Variants in STPG2 observed in about 807,000 individuals in gnomAD.
STPG2 encodes the protein sperm tail PG-rich repeat containing 2, also known as sperm-tail PG-rich repeat-containing protein 2.
In STPG2, 56 loss-of-function variants were observed where a neutral mutation model predicts 54.2. The ratio of observed to expected loss-of-function variants is 1.03; its 90% CI spans 0.83 to 1.29. The LOEUF (loss-of-function observed/expected upper bound fraction) is 1.29, where lower values mean the gene tolerates loss of function less well. Among genes scored for constraint, STPG2 ranks in the 50% most tolerant of loss-of-function variants. The pLI is 0.00. For missense variants in STPG2, 596 were observed against 544.9 expected (o/e 1.09, Z -0.93); for synonymous variants, 200 against 181.8 (o/e 1.10, Z -0.81).
intron 1 of STPG2, among the ~76,000 whole-genome samples, chr4:98,140,166 T>C (rs934015800): frequency 6.6e-6 from 1 of 152,126 alleles, no homozygotes; most frequent in African/African-American, 2.4e-5. Context: ...ACTGGACAAA[T>C]GTATCAGCAG....
intron 4 of STPG2, among the ~76,000 whole-genome samples, chr4:97,493,972 A>C (rs761149036): frequency 6.6e-5 from 10 of 151,530 alleles, no homozygotes; most frequent in Non-Finnish European, 1.5e-4. Context: ...GGTGCCCTAC[A>C]TTTTAGCTAG....
intron 9 of STPG2, among the ~76,000 whole-genome samples, chr4:97,816,045 A>ATG (rs1249843422): frequency 9.9e-5 from 15 of 152,004 alleles, no homozygotes; most frequent in African/African-American, 3.4e-4. Context: ...CCCATCCCCC[A>ATG]ACAGGCCTCA....
intron 5 of STPG2, among the ~76,000 whole-genome samples, chr4:98,093,086 C>T (rs62321598): frequency 0.39 from 59,942 of 151,800 alleles, 12,027 homozygotes; most frequent in Middle Eastern, 0.46. Context: ...ACAAAGCTAA[C>T]ACAGCAACTT....
intron 4 of STPG2, among the ~76,000 whole-genome samples, chr4:97,545,494 A>AC (rs1180877077): frequency 1.3e-5 from 2 of 152,052 alleles, no homozygotes; most frequent in Non-Finnish European, 2.9e-5. Context: ...AGGTCCCTCA[A>AC]CCCCCCTGGT....
At chr4:97,927,627 TA>T (rs1376130011) in intron 8 of STPG2, among the ~76,000 whole-genome samples, 6 of 152,252 alleles carry the variant, frequency 3.9e-5, no homozygotes, top group Non-Finnish European at 5.9e-5. Context: ...AAAAAGTTTA[TA>T]ATACTATCAT....
At chr4:97,456,394 C>T (rs1279876796) in intron 4 of STPG2, among the ~76,000 whole-genome samples, 1 of 152,034 alleles carries the variant, frequency 6.6e-6, no homozygotes, top group African/African-American at 2.4e-5. Flanking sequence ...TGGGAGAATT[C>T]ACTCACTATC....
intron 5 of STPG2, among the ~76,000 whole-genome samples, chr4:98,085,177 G>A (rs1405305709): frequency 6.6e-6 from 1 of 151,950 alleles, no homozygotes; most frequent in Non-Finnish European, 1.5e-5. Flanking sequence ...AGTTGTTCTG[G>A]CACTATTTGT....
chr4:97,947,815 G>T (rs571823784), intron 7 of STPG2, among the ~76,000 whole-genome samples: 1 of 151,964 alleles, frequency 6.6e-6, no homozygotes, highest in Non-Finnish European at 1.5e-5. Context: ...CTAGTATTTT[G>T]TTGAGAGTTT....
intron 10 of STPG2, among the ~76,000 whole-genome samples, chr4:97,706,732 T>C (rs1723955562): frequency 6.6e-6 from 1 of 152,120 alleles, no homozygotes; most frequent in African/African-American, 2.4e-5. Flanking sequence ...ACACAGGATC[T>C]ACCACAGGAT....
chr4:97,626,310 T>C (rs1264192200), intron 10 of STPG2, among the ~76,000 whole-genome samples: 1 of 152,198 alleles, frequency 6.6e-6, no homozygotes, highest in East Asian at 1.9e-4. Context: ...TTTCAGACTT[T>C]ACACTTTCTT....
At chr4:97,496,631 G>A (rs780840742) in intron 4 of STPG2, among the ~76,000 whole-genome samples, 3 of 151,728 alleles carry the variant, frequency 2.0e-5, no homozygotes, top group African/African-American at 4.8e-5. Flanking sequence ...AAATCATAAC[G>A]TGTACCCCCT....
At chr4:97,507,853 G>T (rs562664399) in intron 4 of STPG2, among the ~76,000 whole-genome samples, 1 of 152,182 alleles carries the variant, frequency 6.6e-6, no homozygotes, top group Non-Finnish European at 1.5e-5. Context: ...CAAAGTGTTT[G>T]CCAATCAGGA....
chr4:97,489,359 G>T (rs1450167772), intron 4 of STPG2, among the ~76,000 whole-genome samples: 2 of 151,760 alleles, frequency 1.3e-5, no homozygotes, highest in African/African-American at 4.8e-5. Context: ...AGGCATCTGG[G>T]TCAGAAATCA....
chr4:97,865,066 G>A (rs1186065423), intron 8 of STPG2, among the ~76,000 whole-genome samples: 4 of 151,956 alleles, frequency 2.6e-5, no homozygotes, highest in South Asian at 2.1e-4. Flanking sequence ...CAAAAGCAAT[G>A]GCAACAAAAG....
At chr4:98,001,095 C>T (rs1735400383) in intron 5 of STPG2, among the ~76,000 whole-genome samples, 1 of 152,104 alleles carries the variant, frequency 6.6e-6, no homozygotes. Flanking sequence ...CAATTTGTGT[C>T]ACCACTGGTA....
intron 9 of STPG2, among the ~76,000 whole-genome samples, chr4:97,770,106 G>A (rs1224691319): frequency 6.6e-6 from 1 of 152,114 alleles, no homozygotes; most frequent in Non-Finnish European, 1.5e-5. Flanking sequence ...AGCTACTCAG[G>A]AGGCTGAGGC....
intron 1 of STPG2, 80 bp downstream of exon 1, chr4:98,142,962 T>C (rs1740340029): frequency 4.1e-6 from 5 of 1,231,374 alleles, no homozygotes; most frequent in Middle Eastern, 3.7e-4. Context: ...GCTCTATGTT[T>C]AACTCACAAG....
chr4:98,049,884 C>T (rs1303249068), intron 5 of STPG2, among the ~76,000 whole-genome samples: 1 of 152,034 alleles, frequency 6.6e-6, no homozygotes, highest in Non-Finnish European at 1.5e-5. Flanking sequence ...AAGGATTGTG[C>T]ATTAATCTGA....
At chr4:97,534,964 T>C (rs770532504) in intron 4 of STPG2, among the ~76,000 whole-genome samples, 1 of 152,210 alleles carries the variant, frequency 6.6e-6, no homozygotes, top group Non-Finnish European at 1.5e-5. Flanking sequence ...GATCCATTTT[T>C]GTTATTGAAT....
Sources: gnomAD v4.1 joint callset for allele counts (sites outside exome capture counted in the v4.1 genomes callset) on GRCh38, gnomAD v4.1.1 for gene constraint, MANE v1.5 for transcripts, NCBI Gene and HGNC (gene_info 2026-07-23, HGNC 2026-07-21) for gene names.